The following SLC25A31 variants were observed in gnomAD, a reference collection of about 807,000 sequenced individuals.
SLC25A31 encodes the protein solute carrier family 25 member 31.
SLC25A31 carries 40 observed loss-of-function variants against 36.2 expected under a neutral mutation model. The ratio of observed to expected loss-of-function variants is 1.10; its 90% CI spans 0.86 to 1.44. The LOEUF (loss-of-function observed/expected upper bound fraction) is 1.44, where lower values mean the gene tolerates loss of function less well. Ranked by LOEUF, SLC25A31 falls within the 40% of genes most tolerant of loss-of-function variation. The pLI, the probability that SLC25A31 is intolerant of heterozygous loss-of-function variation, is 0.00. For synonymous variants in SLC25A31, 143 were observed against 149.7 expected (o/e 0.96, Z 0.32); for missense variants, 350 against 397.1 (o/e 0.88, Z 1.01).
chr4:127,735,907 T>A (rs1417850686), intron 1 of SLC25A31, among the ~76,000 whole-genome samples: 2 of 132,878 alleles, frequency 1.5e-5, no homozygotes, highest in Non-Finnish European at 1.6e-5. Context: ...TTTTTTTTTT[T>A]GAGACGGAGT....
At chr4:127,730,892 T>G in intron 1 of SLC25A31, 115 bp downstream of exon 1, 1 of 1,001,258 alleles carries the variant, frequency 1.0e-6, no homozygotes, top group Non-Finnish European at 1.4e-6. Context: ...GCTACAGCTG[T>G]CGGTGATGAA....
chr4:127,768,747 T>C lies in SLC25A31; in HGVS notation c.634-5T>C. On this transcript the variant is annotated splice_region_variant and splice_polypyrimidine_tract_variant and intron_variant, in intron 4 of 5. Transcript: ENST00000281154. The stretch of plus-strand genomic sequence containing the variant: ...ATAGTTACTTGGCACATTTTTCTTT[T>C]CTAGGGTTTATTACCAAAGCCAAAG... 6.3e-7 allele frequency: 1 copy of C among 1,586,896 alleles called. No homozygotes were observed. The highest frequency in any genetic ancestry group is 8.5e-7 in the Non-Finnish European group (1 of 1,170,578).
intron 2 of SLC25A31, among the ~76,000 whole-genome samples, chr4:127,761,840 A>G (rs1474427141): frequency 6.6e-6 from 1 of 152,218 alleles, no homozygotes; most frequent in Non-Finnish European, 1.5e-5. Context: ...ATTGATAACT[A>G]GTATTGAATA....
At chr4:127,732,174 C>G (rs1376791818) in intron 1 of SLC25A31, among the ~76,000 whole-genome samples, 1 of 152,150 alleles carries the variant, frequency 6.6e-6, no homozygotes, top group Non-Finnish European at 1.5e-5. Flanking sequence ...ATTGTGTATT[C>G]TCAAGAAATG....
chr4:127,757,551 G>C (rs1180108561), intron 2 of SLC25A31, among the ~76,000 whole-genome samples: 1 of 152,096 alleles, frequency 6.6e-6, no homozygotes, highest in African/African-American at 2.4e-5. Flanking sequence ...TGGGCACTTA[G>C]GTTGATTCTA....
In SLC25A31 at chr4:127,764,331, G is replaced by A. The variant is rs868692313; in HGVS notation, c.449G>A (p.Arg150Gln). The A allele has an allele frequency of 8.7e-6, 14 of 1,613,630 alleles. No homozygotes were observed. The highest frequency in any genetic ancestry group is 2.7e-5 in the African/African-American group (2 of 74,898). Residue 150 changes from arginine to glutamine, a missense_variant, in exon 3 of 6, where the codon CGA (arginine) becomes CAA (glutamine). Transcript: ENST00000281154. Reference protein sequence around the residue: ...LCVVYPLDFARTRLGVDIGKG... With the variant: ...LCVVYPLDFAQTRLGVDIGKG... Reference sequence around the variant, plus strand: ...GTAGTATATCCTCTAGATTTTGCCCGAACCCGATTAGGTGTCGATATTGGA... The same window carrying A: ...GTAGTATATCCTCTAGATTTTGCCCAAACCCGATTAGGTGTCGATATTGGA...
At chr4:127,743,198 A>G (rs925911862) in intron 1 of SLC25A31, among the ~76,000 whole-genome samples, 1 of 148,354 alleles carries the variant, frequency 6.7e-6, no homozygotes, top group Non-Finnish European at 1.5e-5. Flanking sequence ...TTGTGTGATC[A>G]TAGCTCACTG....
chr4:127,756,252 C>G (rs2148760508), intron 2 of SLC25A31, among the ~76,000 whole-genome samples: 1 of 152,304 alleles, frequency 6.6e-6, no homozygotes, highest in Non-Finnish European at 1.5e-5. Context: ...GAATATTACT[C>G]AGCCTTATAG....
chr4:127,739,041 GT>G (rs1374060109), intron 1 of SLC25A31, among the ~76,000 whole-genome samples: 1 of 152,110 alleles, frequency 6.6e-6, no homozygotes, highest in Admixed American at 6.5e-5. Context: ...GATGCATCTT[GT>G]TTTTTATCCA....
At position 127,730,514 on chromosome 4, in the gene SLC25A31, CACT is replaced by C; in HGVS notation, c.-31_-29del. On this transcript the variant is annotated 5_prime_UTR_variant, in exon 1 of 6. Transcript: ENST00000281154. ...CGTAGCTCCCGTACTCATTTTTAGCCACTGCTGCCGGTTTTTATATCCTTCTCC... is the reference window on the plus strand; with the variant it reads ...CGTAGCTCCCGTACTCATTTTTAGCCGCTGCCGGTTTTTATATCCTTCTCC... The C allele has an allele frequency of 6.3e-7, 1 of 1,599,796 alleles. No individual in the cohort carries two copies. Among genetic ancestry groups the C allele is most frequent in the Non-Finnish European group, 8.6e-7 (1 of 1,168,092 alleles).
At chr4:127,742,009 T>G (rs946349169) in intron 1 of SLC25A31, among the ~76,000 whole-genome samples, 1 of 152,208 alleles carries the variant, frequency 6.6e-6, no homozygotes, top group Non-Finnish European at 1.5e-5. Flanking sequence ...TACTTGACTC[T>G]CCTCTCTTTT....
chr4:127,757,356 A>G (rs1732050740), intron 2 of SLC25A31, among the ~76,000 whole-genome samples: 2 of 152,184 alleles, frequency 1.3e-5, no homozygotes, highest in Admixed American at 6.5e-5. Flanking sequence ...CCCTCTGTTT[A>G]GTTCCCACTT....
At chr4:127,740,130 T>G (rs77806484) in intron 1 of SLC25A31, among the ~76,000 whole-genome samples, 16 of 152,324 alleles carry the variant, frequency 1.1e-4, no homozygotes, top group Middle Eastern at 3.4e-3. Context: ...TGTTATTACA[T>G]TCACATTTTT....
intron 2 of SLC25A31, among the ~76,000 whole-genome samples, chr4:127,761,947 T>C (rs548260948): frequency 1.3e-5 from 2 of 152,358 alleles, no homozygotes; most frequent in Admixed American, 6.5e-5. Context: ...ACTACCCTTA[T>C]GTCAGATGCA....
At chr4:127,756,032 CAA>C (rs201439228) in intron 2 of SLC25A31, among the ~76,000 whole-genome samples, 15 of 99,246 alleles carry the variant, frequency 1.5e-4, no homozygotes, top group East Asian at 4.9e-4. Context: ...GACCCCACCT[CAA>C]AAAAAAAAAA....
At chr4:127,737,244 A>G (rs1453268396) in intron 1 of SLC25A31, among the ~76,000 whole-genome samples, 4 of 152,082 alleles carry the variant, frequency 2.6e-5, no homozygotes, top group South Asian at 2.1e-4. Flanking sequence ...GAGATTTTAT[A>G]TTTTTTCTGA....
rs1731789034 is a variant in SLC25A31, at chr4:127,744,594, T to C, written c.233-78T>C. The C allele has an allele frequency of 8.6e-6, 11 of 1,284,584 alleles. No individual in the cohort carries two copies. In the South Asian group the frequency reaches 2.1e-4, roughly 24 times the overall value. 79.6% of individuals were successfully genotyped at this position (1,284,584 alleles called of 1,614,324 possible). On this transcript the variant is annotated intron_variant, in intron 1 of 5. Coordinates refer to ENST00000281154, the MANE Select transcript of SLC25A31 (RefSeq NM_031291.4). ...AAGAGTATGTTTTAGATAGTTCATA[T>C]AGCTAAATTTGCTAAAACTATGGCA...
intron 2 of SLC25A31, among the ~76,000 whole-genome samples, chr4:127,751,648 G>C (rs1731934974): frequency 6.6e-6 from 1 of 152,056 alleles, no homozygotes; most frequent in African/African-American, 2.4e-5. Flanking sequence ...CTACAGAATG[G>C]GAGAAAAGTT....
chr4:127,734,121 G>GA (rs1185710818), intron 1 of SLC25A31, among the ~76,000 whole-genome samples: 41 of 152,000 alleles, frequency 2.7e-4, no homozygotes, highest in African/African-American at 9.4e-4. Flanking sequence ...TAGAAAATTA[G>GA]AAAATATAAA....
Sources: gnomAD v4.1 joint callset for allele counts (sites outside exome capture counted in the v4.1 genomes callset) on GRCh38, gnomAD v4.1.1 for gene constraint, MANE v1.5 for transcripts, NCBI Gene and HGNC (gene_info 2026-07-23, HGNC 2026-07-21) for gene names.